The following SAMMSON variants were observed in gnomAD, a reference collection of about 807,000 sequenced individuals.
SAMMSON encodes survival associated mitochondrial melanoma specific oncogenic non-coding RNA.
chr3:70,180,030 G>A (rs190987369), intron 4 of SAMMSON, among the ~76,000 whole-genome samples: 34 of 151,050 alleles, frequency 2.3e-4, no homozygotes, highest in South Asian at 1.5e-3. Context: ...GTGTGTGTGC[G>A]CGCACGTGTG....
intron 6 of SAMMSON, among the ~76,000 whole-genome samples, chr3:70,287,735 A>T (rs373167063): frequency 2.6e-5 from 4 of 151,490 alleles, no homozygotes; most frequent in African/African-American, 9.7e-5. Context: ...ACAATTTCAG[A>T]TCCTGTTATT....
At chr3:70,055,951 C>T (rs2067165206) in intron 3 of SAMMSON, among the ~76,000 whole-genome samples, 1 of 152,048 alleles carries the variant, frequency 6.6e-6, no homozygotes, top group African/African-American at 2.4e-5. Flanking sequence ...CTTCTTCCCA[C>T]TCCTTCAACT....
chr3:70,270,825 G>T (rs1481466615), intron 6 of SAMMSON, among the ~76,000 whole-genome samples: 2 of 152,028 alleles, frequency 1.3e-5, no homozygotes, highest in Non-Finnish European at 2.9e-5. Context: ...ATAAGTGGGA[G>T]TTGAGCAATT....
chr3:70,034,600 T>G (rs571340370), intron 3 of SAMMSON, among the ~76,000 whole-genome samples: 10 of 152,206 alleles, frequency 6.6e-5, no homozygotes, highest in Non-Finnish European at 1.2e-4. Flanking sequence ...TCCCAGCACT[T>G]TGGGAGGCCA....
At chr3:70,017,776 G>T (rs373302312) in intron 3 of SAMMSON, among the ~76,000 whole-genome samples, 1 of 152,126 alleles carries the variant, frequency 6.6e-6, no homozygotes, top group African/African-American at 2.4e-5. Flanking sequence ...CTAATTTATT[G>T]ATAGGTTTTA....
At chr3:70,107,601 G>GTT (rs10709397) in intron 4 of SAMMSON, among the ~76,000 whole-genome samples, 1 of 142,868 alleles carries the variant, frequency 7.0e-6, no homozygotes, top group African/African-American at 2.6e-5. Context: ...TTCTTCCTTA[G>GTT]TTTTTTTTTT....
chr3:70,134,063 G>A (rs1284226573), intron 4 of SAMMSON, among the ~76,000 whole-genome samples: 1 of 124,210 alleles, frequency 8.1e-6, no homozygotes. Context: ...CCAACATGGT[G>A]AAACCCCGTC....
At chr3:70,294,624 A>G (rs977283421) in intron 7 of SAMMSON, among the ~76,000 whole-genome samples, 4 of 152,184 alleles carry the variant, frequency 2.6e-5, no homozygotes, top group Non-Finnish European at 5.9e-5. Context: ...AGCTGCAAAT[A>G]ACAGAAAACG....
chr3:70,144,113 T>G (rs2067538672), intron 4 of SAMMSON, among the ~76,000 whole-genome samples: 1 of 152,116 alleles, frequency 6.6e-6, no homozygotes. Flanking sequence ...AAAAAATATT[T>G]GGAAAGGGCA....
chr3:70,365,523 T>C (rs1298413975), intron 9 of SAMMSON, among the ~76,000 whole-genome samples: 3 of 151,796 alleles, frequency 2.0e-5, no homozygotes, highest in Admixed American at 2.0e-4. Context: ...CCATTTCTTA[T>C]CTGTAAACTC....
chr3:70,271,676 A>G (rs1393357552), intron 6 of SAMMSON: 2 of 152,206 alleles, frequency 1.3e-5, no homozygotes, highest in African/African-American at 4.8e-5. Context: ...TTAGGGGCAC[A>G]GCAGAGCCTT....
chr3:70,293,007 G>A (rs1172941124), intron 7 of SAMMSON, among the ~76,000 whole-genome samples: 2 of 133,822 alleles, frequency 1.5e-5, no homozygotes, highest in Middle Eastern at 4.6e-3. Context: ...CTATTTGCAG[G>A]TAGTACAGTG....
chr3:70,169,906 A>C (rs781131043), intron 4 of SAMMSON, among the ~76,000 whole-genome samples: 1 of 151,892 alleles, frequency 6.6e-6, no homozygotes, highest in Non-Finnish European at 1.5e-5. Context: ...GAAGGTATCA[A>C]ACTCATGCTG....
Position 70,174,303 on chromosome 3 carries a change from A to G in SAMMSON, n.508-74804A>G, listed in dbSNP as rs150372429. On this transcript the variant is annotated intron_variant and non_coding_transcript_variant, in intron 4 of 9. Coordinates refer to ENST00000642114, the Ensembl canonical transcript of SAMMSON. ...ATTTCATCTTTTGGAAAAAATCTAA[A>G]TGATAAACCTAATCACATGTTGATA... 3.6e-3 allele frequency among the ~76,000 whole-genome samples: 546 copies of G among 152,138 alleles called. 2 individuals carry two copies. The highest frequency in any genetic ancestry group is 0.012 in the African/African-American group (510 of 41,544).
At chr3:70,115,856 C>T (rs981014549) in intron 4 of SAMMSON, among the ~76,000 whole-genome samples, 1 of 152,120 alleles carries the variant, frequency 6.6e-6, no homozygotes, top group Non-Finnish European at 1.5e-5. Flanking sequence ...CTGAATTTGA[C>T]CCCTCAGGGT....
intron 4 of SAMMSON, chr3:70,183,320 A>G (rs1055761541): frequency 2.0e-5 from 3 of 152,206 alleles, no homozygotes; most frequent in Admixed American, 1.3e-4. Context: ...TTCCCAGAGT[A>G]AATATAACAC....
At chr3:70,045,355 C>A (rs1031615187) in intron 3 of SAMMSON, among the ~76,000 whole-genome samples, 1 of 150,596 alleles carries the variant, frequency 6.6e-6, no homozygotes, top group Non-Finnish European at 1.5e-5. Context: ...AATGGAGGAT[C>A]TTTTCCATAA....
intron 3 of SAMMSON, among the ~76,000 whole-genome samples, chr3:70,015,673 T>TGCAGCACAC (rs560104964): frequency 6.6e-6 from 1 of 152,084 alleles, no homozygotes; most frequent in African/African-American, 2.4e-5. Flanking sequence ...CATTAACTCG[T>TGCAGCACAC]CATTTACTTT....
At chr3:70,384,541 C>A (rs1261924767) in intron 9 of SAMMSON, among the ~76,000 whole-genome samples, 3 of 151,912 alleles carry the variant, frequency 2.0e-5, no homozygotes, top group African/African-American at 7.2e-5. Context: ...CTTCTGTGGA[C>A]ATAAGGGGCA....
Sources: allele counts gnomAD v4.1 joint callset (sites outside exome capture counted in the v4.1 genomes callset), GRCh38; gene constraint gnomAD v4.1.1; transcripts MANE v1.5; gene names NCBI Gene and HGNC (gene_info 2026-07-23, HGNC 2026-07-21).